Variants in BTRC observed in about 807,000 individuals in gnomAD.
BTRC encodes the protein beta-transducin repeat containing E3 ubiquitin protein ligase, also known as F-box/WD repeat-containing protein 1A.
Under a neutral mutation model 85.5 loss-of-function variants are expected in BTRC, and 42 were observed. The observed-to-expected ratio is 0.49, with a 90% CI of 0.38 to 0.64. BTRC has a LOEUF of 0.64. BTRC is among the 30% of genes least tolerant of loss of function. BTRC has a pLI of 0.00. For synonymous variants in BTRC, 255 were observed against 263.3 expected (o/e 0.97, Z 0.30); for missense variants, 594 against 743.5 (o/e 0.80, Z 2.34).
At chr10:101,504,299 G>A (rs528576599) in intron 4 of BTRC, among the ~76,000 whole-genome samples, 8 of 152,172 alleles carry the variant, frequency 5.3e-5, no homozygotes, top group Non-Finnish European at 7.3e-5. Flanking sequence ...TGTTTATTGT[G>A]TGGGAGAGGA....
chr10:101,392,908 T>C (rs927619785), intron 1 of BTRC, among the ~76,000 whole-genome samples: 1 of 152,168 alleles, frequency 6.6e-6, no homozygotes, highest in African/African-American at 2.4e-5. Flanking sequence ...AACTCCCATA[T>C]CCCTTTTTAT....
intron 4 of BTRC, among the ~76,000 whole-genome samples, chr10:101,483,515 C>T (rs971250217): frequency 6.6e-6 from 1 of 152,110 alleles, no homozygotes; most frequent in Non-Finnish European, 1.5e-5. Flanking sequence ...ATCACTTGAA[C>T]CTGGGAGGCA....
At chr10:101,478,951 A>G (rs1945766083) in intron 3 of BTRC, among the ~76,000 whole-genome samples, 1 of 151,718 alleles carries the variant, frequency 6.6e-6, no homozygotes, top group Non-Finnish European at 1.5e-5. Flanking sequence ...GAAAAAAAAA[A>G]AAAAAAAAGA....
At chr10:101,426,444 C>T (rs908377056) in intron 1 of BTRC, among the ~76,000 whole-genome samples, 2 of 152,036 alleles carry the variant, frequency 1.3e-5, no homozygotes, top group Non-Finnish European at 2.9e-5. Context: ...GGAAATCACA[C>T]CGGTATATCT....
At chr10:101,362,124 C>T (rs1251870204) in intron 1 of BTRC, among the ~76,000 whole-genome samples, 4 of 151,836 alleles carry the variant, frequency 2.6e-5, no homozygotes, top group Non-Finnish European at 4.4e-5. Flanking sequence ...CCACACCCAG[C>T]TCATTTTTGT....
chr10:101,532,546 T>C (rs1211060546), intron 8 of BTRC, 114 bp downstream of exon 8: 4 of 1,364,142 alleles, frequency 2.9e-6, no homozygotes, highest in Non-Finnish European at 3.9e-6. Context: ...GTGAAGATTT[T>C]AGATTGTTTC....
intron 4 of BTRC, among the ~76,000 whole-genome samples, chr10:101,503,301 C>A (rs1241645004): frequency 1.3e-5 from 2 of 152,150 alleles, no homozygotes; most frequent in African/African-American, 4.8e-5. Flanking sequence ...TCCTGGTCTT[C>A]TACATTTAGT....
intron 4 of BTRC, among the ~76,000 whole-genome samples, chr10:101,498,430 C>G (rs1406745158): frequency 2.6e-5 from 4 of 151,918 alleles, no homozygotes; most frequent in African/African-American, 4.8e-5. Context: ...GCTGTGATTA[C>G]AGGTGTGAGC....
chr10:101,354,571 G>A (rs981261643), intron 1 of BTRC: 1 of 337,050 alleles, frequency 3.0e-6, no homozygotes, highest in Non-Finnish European at 5.4e-6. Flanking sequence ...GAAACGCCGT[G>A]AGGCCGCTGG....
chr10:101,379,012 C>A (rs1054864327), intron 1 of BTRC, among the ~76,000 whole-genome samples: 1 of 152,172 alleles, frequency 6.6e-6, no homozygotes, highest in Non-Finnish European at 1.5e-5. Context: ...CTTACAAGAT[C>A]TCTTTCCTTC....
chr10:101,462,819 G>A (rs1945264564), intron 3 of BTRC, among the ~76,000 whole-genome samples: 1 of 152,016 alleles, frequency 6.6e-6, no homozygotes, highest in Non-Finnish European at 1.5e-5. Flanking sequence ...TTCTTATGAT[G>A]TTGCCAGAGA....
At chr10:101,434,521 G>A (rs1328556702) in intron 2 of BTRC, among the ~76,000 whole-genome samples, 1 of 152,058 alleles carries the variant, frequency 6.6e-6, no homozygotes, top group East Asian at 1.9e-4. Flanking sequence ...GTGACTTTGG[G>A]TTAGGCAGAG....
chr10:101,430,894 C>T (rs1564768148), intron 2 of BTRC, among the ~76,000 whole-genome samples: 1 of 151,852 alleles, frequency 6.6e-6, no homozygotes, highest in African/African-American at 2.4e-5. Context: ...TTCAGAGTAT[C>T]TCCTGGTAAT....
intron 2 of BTRC, among the ~76,000 whole-genome samples, chr10:101,433,682 T>A (rs1944456884): frequency 6.6e-6 from 1 of 152,172 alleles, no homozygotes. Flanking sequence ...AGTGTGTAGT[T>A]TAGTCTTGAT....
intron 1 of BTRC, among the ~76,000 whole-genome samples, chr10:101,377,398 A>G (rs1313704960): frequency 1.3e-5 from 2 of 152,198 alleles, no homozygotes; most frequent in African/African-American, 2.4e-5. Flanking sequence ...TCATTTCTCT[A>G]AATACCCATG....
At chr10:101,470,610 G>A (rs544838202) in intron 3 of BTRC, among the ~76,000 whole-genome samples, 1 of 152,242 alleles carries the variant, frequency 6.6e-6, no homozygotes, top group African/African-American at 2.4e-5. Context: ...GATTACAGGC[G>A]CGAGCCACCG....
intron 1 of BTRC, 64 bp from the exon 2 acceptor site, chr10:101,430,281 A>G: frequency 8.7e-7 from 1 of 1,143,144 alleles, no homozygotes; most frequent in Non-Finnish European, 1.3e-6. Flanking sequence ...AGCCTTAAAA[A>G]TTCCTGTAAT....
intron 1 of BTRC, among the ~76,000 whole-genome samples, chr10:101,398,428 G>A (rs569806347): frequency 6.6e-5 from 10 of 151,836 alleles, no homozygotes; most frequent in East Asian, 5.8e-4. Context: ...TCAGCCTCCC[G>A]AGTAGCTGGG....
At chr10:101,470,148 G>T (rs1945481477) in intron 3 of BTRC, among the ~76,000 whole-genome samples, 1 of 152,002 alleles carries the variant, frequency 6.6e-6, no homozygotes, top group Admixed American at 6.6e-5. Flanking sequence ...TTTAAAAATT[G>T]CATTGTTTGC....
Sources: gnomAD v4.1 joint callset for allele counts (sites outside exome capture counted in the v4.1 genomes callset) on GRCh38, gnomAD v4.1.1 for gene constraint, MANE v1.5 for transcripts, NCBI Gene and HGNC (gene_info 2026-07-23, HGNC 2026-07-21) for gene names.